The following HDAC2 variants were observed in gnomAD, a reference collection of about 807,000 sequenced individuals.
HDAC2 encodes the protein histone deacetylase 2, also known as YY1-associated factor 1.
Under a neutral mutation model 68.5 loss-of-function variants are expected in HDAC2, and 5 were observed. The observed-to-expected ratio is 0.07, with a 90% CI of 0.04 to 0.15. HDAC2 has a LOEUF of 0.15. HDAC2 is among the 10% of genes least tolerant of loss of function. HDAC2 has a pLI of 1.00. For synonymous variants in HDAC2, 182 were observed against 191.3 expected (o/e 0.95, Z 0.40); for missense variants, 291 against 600.8 (o/e 0.48, Z 5.39).
At chr6:113,949,387 G>A in intron 6 of HDAC2, 127 bp from the exon 7 acceptor site, 1 of 641,446 alleles carries the variant, frequency 1.6e-6, no homozygotes, top group East Asian at 2.7e-5. Flanking sequence ...CATCTTAGAA[G>A]TTGAGACCGG....
intron 1 of HDAC2, 83 bp downstream of exon 1, chr6:113,970,774 C>A: frequency 7.0e-7 from 1 of 1,438,360 alleles, no homozygotes; most frequent in Non-Finnish European, 9.0e-7. Flanking sequence ...CACCCCTCAG[C>A]CCCGGCGCCC....
chr6:113,963,659 C>T (rs1776743936), intron 1 of HDAC2, among the ~76,000 whole-genome samples: 1 of 152,124 alleles, frequency 6.6e-6, no homozygotes. Context: ...TAAATAATTA[C>T]AAATATTGCA....
chr6:113,944,458 A>G, intron 10 of HDAC2, 48 bp from the exon 11 acceptor site: 1 of 1,525,470 alleles, frequency 6.6e-7, no homozygotes, highest in Non-Finnish European at 9.1e-7. Context: ...ATTTCTTTGC[A>G]GTTCTTACAT....
intron 1 of HDAC2, 30 bp from the exon 2 acceptor site, chr6:113,960,048 T>A (rs1554198185): frequency 9.5e-7 from 1 of 1,047,762 alleles, no homozygotes; most frequent in Non-Finnish European, 1.5e-6. Context: ...AACTAAACAA[T>A]ACAGACAAGA....
intron 3 of HDAC2, 107 bp from the exon 4 acceptor site, chr6:113,956,800 C>G (rs1746458800): frequency 8.2e-6 from 6 of 728,364 alleles, no homozygotes; most frequent in Non-Finnish European, 1.5e-5. Context: ...ATGCAATCAT[C>G]AAACATACAC....
chr6:113,955,164 A>G (rs1274574381), intron 5 of HDAC2, among the ~76,000 whole-genome samples: 1 of 152,184 alleles, frequency 6.6e-6, no homozygotes, highest in East Asian at 1.9e-4. Context: ...TTGCCAAACT[A>G]CTTTTAAAAA....
rs78621920 is a variant in HDAC2 at position 113,941,734 on chromosome 6, G to T, written c.1410C>A (p.Asn470Lys). 6.9e-7 allele frequency: 1 copy of T among 1,453,274 alleles called. No individual in the cohort carries two copies. The highest frequency in any genetic ancestry group is 9.4e-7 in the Non-Finnish European group (1 of 1,064,796). 90.0% of individuals were successfully genotyped at this position (1,453,274 alleles called of 1,614,324 possible). A position where few individuals can be genotyped will look rare whatever the true frequency, so the allele number is the denominator to read the frequency against. ...DVKEEDKSKD[N>K]SGEKTDTKGT... ...CTTTGGTATCTGTTTTTTCACCACT[G>T]TTGTCCTTGGATTTATCTTCTTCCT... Residue 470 changes from asparagine (N) to lysine (K), a missense_variant, in exon 13 of 14, where the codon AAC (asparagine) becomes AAA (lysine). Asn to Lys is a moderately conservative substitution (Grantham distance 94, BLOSUM62 0). Around this residue, in one of 2 missense-constraint regions of HDAC2, gnomAD observed 137 missense variants for 128.7 expected, o/e 1.06. Coordinates refer to ENST00000519065, the MANE Select transcript of HDAC2 (RefSeq NM_001527.4).
chr6:113,970,356 G>T, intron 1 of HDAC2: 1 of 617,694 alleles, frequency 1.6e-6, no homozygotes, highest in Non-Finnish European at 2.0e-6. Flanking sequence ...GAGGAGGGAA[G>T]GGGACGGGAG....
intron 7 of HDAC2, 21 bp downstream of exon 7, chr6:113,949,147 T>G (rs1776338638): frequency 6.2e-7 from 1 of 1,605,396 alleles, no homozygotes; most frequent in Non-Finnish European, 8.5e-7. Context: ...CCATTCCAAT[T>G]GTGAAAACAA....
chr6:113,941,006 C>G lies in HDAC2; in HGVS notation c.*52G>C. Reference sequence around the variant, plus strand: ...AAGTCTTCAAAAAGAAAACATTTTCCTTTCAATATTTTCTTTTTAATGATT... The same window carrying G: ...AAGTCTTCAAAAAGAAAACATTTTCGTTTCAATATTTTCTTTTTAATGATT... On this transcript the variant is annotated 3_prime_UTR_variant, in exon 14 of 14. Coordinates refer to ENST00000519065, the MANE Select transcript of HDAC2 (RefSeq NM_001527.4). 7.1e-7 allele frequency: 1 copy of G among 1,412,598 alleles called. No individual in the cohort carries two copies. The highest frequency in any genetic ancestry group is 9.9e-7 in the Non-Finnish European group (1 of 1,006,180). The allele number at this position is 1,412,598 out of a possible 1,614,324, so 87.5% of individuals were successfully genotyped here.
rs1024360547 is a variant in HDAC2 at position 113,935,087 on chromosome 6, G to C, written c.*5971C>G. 10 of 151,676 alleles carry C rather than the reference G, an allele frequency of 6.6e-5. No homozygotes were observed. Among genetic ancestry groups the C allele is most frequent in the African/African-American group, 2.4e-4 (10 of 41,190 alleles). 9.4% of individuals were successfully genotyped at this position (151,676 alleles called of 1,614,324 possible). A position where few individuals can be genotyped will look rare whatever the true frequency, so the allele number is the denominator to read the frequency against. On this transcript the variant is annotated 3_prime_UTR_variant, in exon 14 of 14. Transcript: ENST00000519065. Reference sequence around the variant, plus strand: ...GGTAGATCTCCCATCCTCATGCTTGGAGGGCTATTATCTACCACAGGGCCA... The same window carrying C: ...GGTAGATCTCCCATCCTCATGCTTGCAGGGCTATTATCTACCACAGGGCCA...
chr6:113,957,543 G>A (rs112027982), intron 3 of HDAC2, among the ~76,000 whole-genome samples: 1,588 of 151,432 alleles, frequency 0.01, 24 homozygotes, highest in African/African-American at 0.036. Flanking sequence ...GTGCAATGGC[G>A]TGAGCTTGGC....
In HDAC2 at chr6:113,944,472, A is replaced by G. The variant is rs1037885846; in HGVS notation, c.1092-62T>C. 12 of 1,440,486 alleles carry G rather than the reference A, an allele frequency of 8.3e-6. No homozygotes were observed. In the African/African-American group the frequency reaches 1.6e-4, roughly 19 times the overall value. 89.2% of individuals were successfully genotyped at this position (1,440,486 alleles called of 1,614,324 possible). On this transcript the variant is annotated intron_variant, in intron 10 of 13. Transcript: ENST00000519065. Reference sequence around the variant, plus strand: ...AATTTCTTTGCAGTTCTTACATGCAAGAGAAAATATTTAGCAAAAAATTTC... The same window carrying G: ...AATTTCTTTGCAGTTCTTACATGCAGGAGAAAATATTTAGCAAAAAATTTC...
rs1245214660 is a variant in HDAC2 at position 113,956,609 on chromosome 6, T to C, written c.358+10A>G. On this transcript the variant is annotated intron_variant, in intron 4 of 13. Coordinates refer to ENST00000519065, the MANE Select transcript of HDAC2 (RefSeq NM_001527.4). ...GATCAACTTTTAAATCTGATTGCAT[T>C]AGCACTTACCAACTGAACCGCCAGT... 2 of 1,595,384 alleles carry C rather than the reference T, an allele frequency of 1.3e-6. No individual in the cohort carries two copies. The highest frequency in any genetic ancestry group is 1.7e-5 in the Admixed American group (1 of 59,984).
At chr6:113,942,085 C>T (rs764744314) in intron 12 of HDAC2, among the ~76,000 whole-genome samples, 4 of 151,760 alleles carry the variant, frequency 2.6e-5, no homozygotes, top group South Asian at 2.1e-4. Flanking sequence ...AAGGCCCTAT[C>T]GAAAGAGCCT....
chr6:113,958,307 C>CTTG, intron 3 of HDAC2: 2 of 183,432 alleles, frequency 1.1e-5, no homozygotes, highest in South Asian at 1.2e-4. Context: ...ATGTACATGC[C>CTTG]AAGCTAAGGC....
chr6:113,957,818 A>G (rs558418913), intron 3 of HDAC2, among the ~76,000 whole-genome samples: 1 of 152,146 alleles, frequency 6.6e-6, no homozygotes, highest in South Asian at 2.1e-4. Flanking sequence ...ACTCATTATT[A>G]TGTGGGTTTT....
chr6:113,966,816 C>CA (rs1461856326), intron 1 of HDAC2, among the ~76,000 whole-genome samples: 1 of 151,990 alleles, frequency 6.6e-6, no homozygotes, highest in African/African-American at 2.4e-5. Context: ...AAAAGAGAGG[C>CA]AAAAGATTTC....
Position 113,943,404 on chromosome 6 carries a change from GCTC to G in HDAC2, c.1322_1324del (p.Gly441del), listed in dbSNP as rs1776189054. ...ATCTTCTTCAATTCTAGCTTTCTTT[GCTC>G]CTTTCTTATGATCAGCCACATTTCT... On this transcript the variant is annotated inframe_deletion, in exon 12 of 14. Transcript: ENST00000519065. The G allele has an allele frequency of 1.2e-6, 2 of 1,608,452 alleles. No homozygotes were observed. The highest frequency in any genetic ancestry group is 2.7e-5 in the African/African-American group (2 of 74,542).
Sources: gnomAD v4.1 joint callset for allele counts (sites outside exome capture counted in the v4.1 genomes callset) on GRCh38, gnomAD v4.1.1 for gene constraint, gnomAD v4.1.1 regional missense constraint, MANE v1.5 for transcripts, NCBI Gene and HGNC (gene_info 2026-07-23, HGNC 2026-07-21) for gene names.